The following TAFA2 variants were observed in gnomAD, a reference collection of about 807,000 sequenced individuals.
TAFA2 encodes chemokine-like protein TAFA-2.
A neutral mutation model predicts 18.8 loss-of-function variants in TAFA2; 7 were observed. That is an observed-to-expected ratio of 0.37 (90% CI 0.21 to 0.70). The LOEUF (loss-of-function observed/expected upper bound fraction) is 0.70, where lower values mean the gene tolerates loss of function less well. Ranked by LOEUF, TAFA2 falls within the 30% of genes least tolerant of loss-of-function variation. The probability of loss-of-function intolerance (pLI) is 0.53; values close to 1 mark genes in which losing one functional copy is unlikely to be tolerated. For missense variants in TAFA2, 122 were observed against 158.1 expected (o/e 0.77, Z 1.23); for synonymous variants, 60 against 54.2 (o/e 1.11, Z -0.47).
intron 1 of TAFA2, among the ~76,000 whole-genome samples, chr12:61,903,976 ATTCTT>A (rs1876229969): frequency 6.6e-6 from 1 of 152,182 alleles, no homozygotes; most frequent in African/African-American, 2.4e-5. Context: ...AAGTCCTGCT[ATTCTT>A]TTCAAGATCT....
intron 1 of TAFA2, among the ~76,000 whole-genome samples, chr12:62,026,941 T>C (rs1298732184): frequency 6.6e-6 from 1 of 152,086 alleles, no homozygotes; most frequent in Non-Finnish European, 1.5e-5. Flanking sequence ...AATTTTAGGG[T>C]CTTTCCTTTA....
intron 2 of TAFA2, among the ~76,000 whole-genome samples, chr12:61,757,015 G>C (rs1477619823): frequency 6.6e-6 from 1 of 152,066 alleles, no homozygotes; most frequent in East Asian, 1.9e-4. Flanking sequence ...GGAAAGGCTG[G>C]TACACTATGG....
intron 2 of TAFA2, among the ~76,000 whole-genome samples, chr12:61,794,169 T>C (rs1332466580): frequency 6.6e-6 from 1 of 152,014 alleles, no homozygotes; most frequent in East Asian, 1.9e-4. Flanking sequence ...CCACCACCTG[T>C]ATTCAACATT....
At chr12:61,737,022 TATA>T (rs1868315676) in intron 4 of TAFA2, among the ~76,000 whole-genome samples, 1 of 151,972 alleles carries the variant, frequency 6.6e-6, no homozygotes, top group Admixed American at 6.6e-5. Flanking sequence ...AAAGACTGAC[TATA>T]ATATTGTCAG....
intron 1 of TAFA2, among the ~76,000 whole-genome samples, chr12:62,199,074 C>T (rs1344378808): frequency 6.6e-6 from 1 of 152,194 alleles, no homozygotes; most frequent in African/African-American, 2.4e-5. Context: ...CTTCCCGACT[C>T]GGTTGGGCTT....
intron 1 of TAFA2, among the ~76,000 whole-genome samples, chr12:62,203,866 A>G (rs555278453): frequency 5.3e-5 from 8 of 152,174 alleles, no homozygotes; most frequent in Non-Finnish European, 1.2e-4. Flanking sequence ...TGTGAATTTG[A>G]TACTGTCATC....
At chr12:62,009,977 A>C (rs1201414102) in intron 1 of TAFA2, among the ~76,000 whole-genome samples, 1 of 152,216 alleles carries the variant, frequency 6.6e-6, no homozygotes, top group Non-Finnish European at 1.5e-5. Context: ...CCCTGCCAGA[A>C]AAGAATAAAG....
chr12:62,079,431 T>C, intron 1 of TAFA2, among the ~76,000 whole-genome samples: 1 of 151,664 alleles, frequency 6.6e-6, no homozygotes, highest in South Asian at 2.1e-4. Flanking sequence ...GGAGGGCTGA[T>C]TGCCTGAGGT....
chr12:62,151,217 G>A (rs1323237633), intron 1 of TAFA2, among the ~76,000 whole-genome samples: 5 of 152,064 alleles, frequency 3.3e-5, no homozygotes, highest in African/African-American at 1.2e-4. Flanking sequence ...ACCCAGATCC[G>A]AGGTCACCTG....
intron 1 of TAFA2, among the ~76,000 whole-genome samples, chr12:61,932,017 C>T (rs1400051466): frequency 6.6e-6 from 1 of 152,126 alleles, no homozygotes; most frequent in Non-Finnish European, 1.5e-5. Context: ...ACCTGAGCCA[C>T]ATCAAATAAC....
intron 1 of TAFA2, among the ~76,000 whole-genome samples, chr12:61,914,016 A>C (rs982531568): frequency 1.7e-4 from 26 of 152,198 alleles, no homozygotes; most frequent in African/African-American, 5.5e-4. Flanking sequence ...GGAAAACCCC[A>C]GCTATATTGC....
At chr12:62,043,454 G>A (rs1360706731) in intron 1 of TAFA2, among the ~76,000 whole-genome samples, 3 of 151,664 alleles carry the variant, frequency 2.0e-5, no homozygotes, top group Admixed American at 2.0e-4. Flanking sequence ...CACACTCCGG[G>A]GACTGTTGTG....
At chr12:62,002,627 T>C (rs1335087795) in intron 1 of TAFA2, among the ~76,000 whole-genome samples, 1 of 152,174 alleles carries the variant, frequency 6.6e-6, no homozygotes, top group Non-Finnish European at 1.5e-5. Context: ...TAGCTCCTGG[T>C]TTACTATGAC....
At chr12:61,880,549 G>C (rs554117943) in intron 1 of TAFA2, 1 of 493,216 alleles carries the variant, frequency 2.0e-6, no homozygotes, top group Non-Finnish European at 4.0e-6. Flanking sequence ...TGCAGAACAT[G>C]AGTATCTACT....
chr12:61,880,288 G>C (rs754694327), intron 1 of TAFA2: 14 of 478,126 alleles, frequency 2.9e-5, no homozygotes, highest in Middle Eastern at 1.3e-3. Flanking sequence ...CTGAGATCAA[G>C]GGCCTCAAAG....
chr12:62,006,990 T>C (rs1328240879), intron 1 of TAFA2, among the ~76,000 whole-genome samples: 1 of 152,178 alleles, frequency 6.6e-6, no homozygotes, highest in African/African-American at 2.4e-5. Context: ...TTTTATGAGG[T>C]GTTAAGAAAT....
chr12:62,004,777 A>G (rs1339051939), intron 1 of TAFA2, among the ~76,000 whole-genome samples: 1 of 152,098 alleles, frequency 6.6e-6, no homozygotes, highest in Non-Finnish European at 1.5e-5. Context: ...TGAAAACAAA[A>G]TAAGTGTCTA....
intron 1 of TAFA2, among the ~76,000 whole-genome samples, chr12:62,106,402 T>A (rs988952220): frequency 6.6e-6 from 1 of 151,486 alleles, no homozygotes; most frequent in Non-Finnish European, 1.5e-5. Context: ...AAACAAAAAC[T>A]ATAAAGGTTT....
intron 1 of TAFA2, among the ~76,000 whole-genome samples, chr12:62,173,441 T>C (rs1001719793): frequency 1.6e-4 from 25 of 152,028 alleles, no homozygotes; most frequent in African/African-American, 5.6e-4. Context: ...GTGAAAGACC[T>C]TAAAGGGTCT....
Sources: allele counts gnomAD v4.1 joint callset (sites outside exome capture counted in the v4.1 genomes callset), GRCh38; gene constraint gnomAD v4.1.1; transcripts MANE v1.5; gene names NCBI Gene and HGNC (gene_info 2026-07-23, HGNC 2026-07-21).